Variants in PCDHA13 observed in about 807,000 individuals in gnomAD.
PCDHA13 encodes the protein protocadherin alpha-13.
PCDHA13 carries 54 observed loss-of-function variants against 64.8 expected under a neutral mutation model. The ratio of observed to expected loss-of-function variants is 0.83; its 90% CI spans 0.67 to 1.04. The LOEUF (loss-of-function observed/expected upper bound fraction) is 1.04. Among genes scored for constraint, PCDHA13 ranks in the 50% least tolerant of loss-of-function variants. The probability of loss-of-function intolerance (pLI) is 0.00; values close to 1 mark genes in which losing one functional copy is unlikely to be tolerated. For synonymous variants in PCDHA13, 587 were observed against 564.4 expected, an observed-to-expected ratio of 1.04 and a Z score of -0.57; for missense variants, 1,248 against 1,254.3, an observed-to-expected ratio of 0.99 and a Z score of 0.08.
chr5:140,997,334 C>G (rs2097767888), intron 3 of PCDHA13, among the ~76,000 whole-genome samples: 3 of 152,098 alleles, frequency 2.0e-5, no homozygotes, highest in Admixed American at 2.0e-4. Flanking sequence ...TTTCGTTGTA[C>G]AAATATCATA....
At chr5:140,968,173 C>T (rs782043932) in intron 1 of PCDHA13, 10 of 1,614,104 alleles carry the variant, frequency 6.2e-6, no homozygotes, top group Admixed American at 1.7e-5. Flanking sequence ...CACCAAGCTT[C>T]CTGGAGGACT....
Position 140,929,023 on chromosome 5 carries a change from C to G in PCDHA13, c.2394+44361C>G, listed in dbSNP as rs2085741813. On this transcript the variant is annotated intron_variant, in intron 1 of 3. Transcript: ENST00000289272. ...CGTGTGTACCAAGTTGCACCAGAGCCCAGGCTGTTGCGCTCAGAGCTGCTG... is the reference window on the plus strand; with the variant it reads ...CGTGTGTACCAAGTTGCACCAGAGCGCAGGCTGTTGCGCTCAGAGCTGCTG... 2.5e-6 allele frequency: 4 copies of G among 1,614,056 alleles called. No homozygotes were observed. The Admixed American group carries it at 6.7e-5, about 27-fold the overall frequency.
intron 1 of PCDHA13, among the ~76,000 whole-genome samples, chr5:140,942,869 T>C (rs971576222): frequency 6.6e-6 from 1 of 152,088 alleles, no homozygotes; most frequent in African/African-American, 2.4e-5. Context: ...TGCTTTAGCA[T>C]GACAACTTTT....
At chr5:140,948,784 T>C (rs1486580473) in intron 1 of PCDHA13, among the ~76,000 whole-genome samples, 6 of 151,646 alleles carry the variant, frequency 4.0e-5, no homozygotes, top group African/African-American at 1.4e-4. Flanking sequence ...CTTTTGGCTT[T>C]GTTGATATAT....
intron 1 of PCDHA13, chr5:140,927,810 G>C: frequency 6.2e-7 from 1 of 1,614,200 alleles, no homozygotes. Flanking sequence ...AAACGCTCTT[G>C]GAGGCATACA....
chr5:140,909,970 G>A (rs76359002), intron 1 of PCDHA13, among the ~76,000 whole-genome samples: 2,125 of 152,312 alleles, frequency 0.014, 45 homozygotes, highest in African/African-American at 0.049. Flanking sequence ...CATGGGGAAG[G>A]ATGGGAGAAA....
At position 140,884,546 on chromosome 5, in the gene PCDHA13, T is replaced by C. The variant is rs1554181711; in HGVS notation, c.2278T>C (p.Ser760Pro). 1 of 1,614,082 alleles carries C rather than the reference T, an allele frequency of 6.2e-7. No individual in the cohort carries two copies. Among genetic ancestry groups the C allele is most frequent in the Non-Finnish European group, 8.5e-7 (1 of 1,179,996 alleles). The change falls in exon 1 of 4, where the codon TCT becomes CCT. Residue 760 changes from serine (S) to proline (P), a missense_variant. Physicochemically the swap from Ser to Pro is moderately conservative, Grantham distance 74. Coordinates refer to ENST00000289272, the MANE Select transcript of PCDHA13 (RefSeq NM_018904.3). ...YSQQRRPRVC[S>P]GEGPHKTDLM... ...GCAGCAGAGGCGGCCGAGGGTGTGC[T>C]CTGGGGAGGGCCCGCATAAGACGGA...
chr5:140,952,058 T>A (rs889374877), intron 1 of PCDHA13, among the ~76,000 whole-genome samples: 7 of 151,978 alleles, frequency 4.6e-5, no homozygotes, highest in Non-Finnish European at 8.8e-5. Context: ...ATCTTAAAGC[T>A]CCAAATAATC....
intron 2 of PCDHA13, among the ~76,000 whole-genome samples, 188 bp downstream of exon 2, chr5:140,979,195 T>C (rs1554240340): frequency 1.3e-5 from 2 of 152,232 alleles, no homozygotes; most frequent in African/African-American, 4.8e-5. Context: ...GCCAGATGCT[T>C]ATCAAGTGCT....
At chr5:140,894,236 T>C (rs1205163436) in intron 1 of PCDHA13, among the ~76,000 whole-genome samples, 7 of 152,250 alleles carry the variant, frequency 4.6e-5, no homozygotes, top group South Asian at 2.1e-4. Context: ...TGAATGACAA[T>C]GTAATTTTCT....
chr5:140,968,761 T>C (rs782432205), intron 1 of PCDHA13: 1 of 1,614,140 alleles, frequency 6.2e-7, no homozygotes, highest in South Asian at 1.1e-5. Flanking sequence ...TCCGAGATAA[T>C]GGAGAGCCAT....
chr5:140,941,506 G>T (rs556309408), intron 1 of PCDHA13, among the ~76,000 whole-genome samples: 1 of 151,236 alleles, frequency 6.6e-6, no homozygotes, highest in South Asian at 2.1e-4. Flanking sequence ...TAGTAGAGAC[G>T]AGGTTTCACC....
chr5:140,889,417 A>G (rs2062219100), intron 1 of PCDHA13, among the ~76,000 whole-genome samples: 1 of 152,040 alleles, frequency 6.6e-6, no homozygotes. Context: ...TCAGTTACGT[A>G]GATAATATTT....
intron 1 of PCDHA13, among the ~76,000 whole-genome samples, chr5:140,918,416 C>A (rs2078685021): frequency 6.6e-6 from 1 of 152,110 alleles, no homozygotes; most frequent in Non-Finnish European, 1.5e-5. Flanking sequence ...GCCAGGACTT[C>A]CAGTAGGATG....
intron 1 of PCDHA13, among the ~76,000 whole-genome samples, chr5:140,912,788 A>G (rs1467959281): frequency 6.6e-6 from 1 of 152,104 alleles, no homozygotes; most frequent in East Asian, 1.9e-4. Context: ...CTTCTATGCC[A>G]ATTTTCTTGA....
chr5:140,932,469 A>T (rs1356318037), intron 1 of PCDHA13, among the ~76,000 whole-genome samples: 12 of 152,030 alleles, frequency 7.9e-5, no homozygotes, highest in African/African-American at 2.4e-4. Context: ...TATATAGGAA[A>T]TAGGATATCT....
intron 3 of PCDHA13, among the ~76,000 whole-genome samples, chr5:141,002,788 A>G (rs1013908430): frequency 6.6e-6 from 1 of 152,192 alleles, no homozygotes; most frequent in Admixed American, 6.5e-5. Context: ...TCTCCATTTT[A>G]TGGATGAGGA....
In PCDHA13 at chr5:140,972,940, A is replaced by G. The variant is rs148421479; in HGVS notation, c.2395-6009A>G. The stretch of plus-strand genomic sequence containing the variant: ...GCCTCCCAAAGTGCTGGGATTACAG[A>G]TGTGAGCCACCATGCCCGGCAAAGG... On this transcript the variant is annotated intron_variant, in intron 1 of 3. Coordinates refer to ENST00000289272, the MANE Select transcript of PCDHA13 (RefSeq NM_018904.3). Among the ~76,000 whole-genome samples the G allele has an allele frequency of 9.4e-3, 1,423 of 152,078 alleles. 26 individuals are homozygous for G. The highest frequency in any genetic ancestry group is 0.032 in the African/African-American group (1,334 of 41,472).
chr5:140,899,584 G>A (rs2153464513), intron 1 of PCDHA13, among the ~76,000 whole-genome samples: 1 of 152,292 alleles, frequency 6.6e-6, no homozygotes, highest in African/African-American at 2.4e-5. Flanking sequence ...CGGTTTGCCA[G>A]TATTTTATTG....
Sources: allele counts gnomAD v4.1 joint callset (sites outside exome capture counted in the v4.1 genomes callset), GRCh38; gene constraint gnomAD v4.1.1; transcripts MANE v1.5; gene names NCBI Gene and HGNC (gene_info 2026-07-23, HGNC 2026-07-21).